LYRM7: variants seen among roughly 807,000 people sequenced by gnomAD.
LYRM7 encodes complex III assembly factor LYRM7.
A neutral mutation model predicts 15.8 loss-of-function variants in LYRM7; 9 were observed. The observed-to-expected ratio is 0.57, with a 90% CI of 0.34 to 0.99. The LOEUF is 0.99. Among genes scored for constraint, LYRM7 ranks in the 50% least tolerant of loss-of-function variants. LYRM7 has a pLI of 0.02. For missense variants in LYRM7, 115 were observed against 119.1 expected (o/e 0.97, Z 0.16); for synonymous variants, 39 against 39.4 (o/e 0.99, Z 0.04).
chr5:131,187,548 G>A (rs1212676831), intron 4 of LYRM7, among the ~76,000 whole-genome samples: 3 of 151,456 alleles, frequency 2.0e-5, no homozygotes, highest in East Asian at 1.9e-4. Context: ...GCAGTAGTGC[G>A]ATCTTGGCTC....
chr5:131,184,324 T>C (rs752784732), intron 3 of LYRM7, among the ~76,000 whole-genome samples: 2 of 152,120 alleles, frequency 1.3e-5, no homozygotes, highest in Non-Finnish European at 2.9e-5. Context: ...TTACACAGAT[T>C]TGTAGTTGGA....
chr5:131,171,341 A>T (rs1755519382), intron 1 of LYRM7, among the ~76,000 whole-genome samples: 4 of 152,124 alleles, frequency 2.6e-5, no homozygotes, highest in Admixed American at 2.6e-4. Flanking sequence ...CAGACCGAGT[A>T]TTTGTCTGAG....
intron 4 of LYRM7, among the ~76,000 whole-genome samples, chr5:131,187,363 A>G (rs1010094396): frequency 6.6e-6 from 1 of 152,098 alleles, no homozygotes; most frequent in East Asian, 1.9e-4. Context: ...CAGTACAACT[A>G]TATATTTTTA....
intron 1 of LYRM7, among the ~76,000 whole-genome samples, chr5:131,173,479 C>A (rs1483273815): frequency 1.3e-5 from 2 of 152,242 alleles, no homozygotes; most frequent in African/African-American, 4.8e-5. Flanking sequence ...GGAAAGGTGG[C>A]TCACGCCTGT....
At chr5:131,195,920 C>A (rs1755955525) in intron 4 of LYRM7, among the ~76,000 whole-genome samples, 1 of 152,086 alleles carries the variant, frequency 6.6e-6, no homozygotes, top group Admixed American at 6.5e-5. Context: ...AACAATGAGG[C>A]TCAGCAGGAC....
chr5:131,184,977 G>C (rs745726659), intron 3 of LYRM7, among the ~76,000 whole-genome samples: 19 of 151,978 alleles, frequency 1.3e-4, no homozygotes, highest in Non-Finnish European at 1.5e-4. Flanking sequence ...AGCAAATCCT[G>C]TTGACTTAAA....
intron 4 of LYRM7, among the ~76,000 whole-genome samples, chr5:131,198,106 A>G (rs1043623274): frequency 2.6e-5 from 4 of 152,000 alleles, no homozygotes; most frequent in African/African-American, 7.2e-5. Flanking sequence ...CATTTTTAGA[A>G]TTATGACAGC....
At chr5:131,178,638 G>A (rs78723619) in intron 1 of LYRM7, among the ~76,000 whole-genome samples, 7,268 of 151,978 alleles carry the variant, frequency 0.048, 429 homozygotes, top group African/African-American at 0.14. Context: ...ATATTCATAA[G>A]TCTCAACATT....
Position 131,201,976 on chromosome 5 carries a change from G to T in LYRM7, c.*2375G>T, listed in dbSNP as rs1756076903. On this transcript the variant is annotated 3_prime_UTR_variant, in exon 5 of 5. Transcript: ENST00000379380. ...AGCCTCCCAAATAGCTGAGACTAGAGGTATGCGCCACCACACCTAGCTATT... is the reference window on the plus strand; with the variant it reads ...AGCCTCCCAAATAGCTGAGACTAGATGTATGCGCCACCACACCTAGCTATT... 1 of 151,966 alleles carries T rather than the reference G, an allele frequency of 6.6e-6. No homozygotes were observed. Among genetic ancestry groups the T allele is most frequent in the Non-Finnish European group, 1.5e-5 (1 of 68,020 alleles). The allele number at this position is 151,966 out of a possible 1,614,324, so 9.4% of individuals were successfully genotyped here.
At chr5:131,195,522 C>T (rs969612906) in intron 4 of LYRM7, among the ~76,000 whole-genome samples, 1 of 152,036 alleles carries the variant, frequency 6.6e-6, no homozygotes, top group Non-Finnish European at 1.5e-5. Flanking sequence ...GAAATAAGAT[C>T]GATGCCTCAA....
chr5:131,182,426 A>G (rs978943301), intron 3 of LYRM7, 127 bp downstream of exon 3: 42 of 909,106 alleles, frequency 4.6e-5, no homozygotes, highest in Non-Finnish European at 5.5e-5. Context: ...ACAACTGTAG[A>G]TAACCTTCAC....
At chr5:131,184,783 G>T (rs17165932) in intron 3 of LYRM7, among the ~76,000 whole-genome samples, 10,235 of 151,890 alleles carry the variant, frequency 0.067, 935 homozygotes, top group African/African-American at 0.21. Context: ...TGGCTGAGGA[G>T]ACCCATTATT....
chr5:131,192,080 C>A (rs931225927), intron 4 of LYRM7, among the ~76,000 whole-genome samples: 4 of 139,282 alleles, frequency 2.9e-5, no homozygotes, highest in Admixed American at 7.2e-5. Flanking sequence ...CACACACACA[C>A]AATGCAATAT....
intron 1 of LYRM7, among the ~76,000 whole-genome samples, chr5:131,174,610 G>A (rs1755569912): frequency 6.6e-6 from 1 of 152,168 alleles, no homozygotes; most frequent in Non-Finnish European, 1.5e-5. Context: ...ACTATGGGAG[G>A]CTGAGGTGGG....
At position 131,202,428 on chromosome 5, in the gene LYRM7, AG is replaced by A. The variant is rs1756087561; in HGVS notation, c.*2829del. 1 of 152,268 alleles carries A rather than the reference AG, an allele frequency of 6.6e-6. No homozygotes were observed. The highest frequency in any genetic ancestry group is 1.5e-5 in the Non-Finnish European group (1 of 68,100). 9.4% of individuals were successfully genotyped at this position (152,268 alleles called of 1,614,324 possible). ...AGAATTACTTGAGCCAGGGAAGCAGAGGTTGTGGTGAGCTAAGATTGTGCCA... is the reference window on the plus strand; with the variant it reads ...AGAATTACTTGAGCCAGGGAAGCAGAGTTGTGGTGAGCTAAGATTGTGCCA... On this transcript the variant is annotated 3_prime_UTR_variant, in exon 5 of 5. Coordinates refer to ENST00000379380, the MANE Select transcript of LYRM7 (RefSeq NM_181705.4).
Position 131,199,659 on chromosome 5 carries a change from C to G in LYRM7, c.*58C>G. 1 of 1,243,712 alleles carries G rather than the reference C, an allele frequency of 8.0e-7. No homozygotes were observed. Among genetic ancestry groups the G allele is most frequent in the Non-Finnish European group, 1.1e-6 (1 of 879,956 alleles). The allele number at this position is 1,243,712 out of a possible 1,614,324, so 77.0% of individuals were successfully genotyped here. ...TTAACTTTAAAATCTACAACTCTGG[C>G]AAAAGTCCTGGAAATGCAGACATTT... is the stretch of plus-strand genomic sequence containing the variant. On this transcript the variant is annotated 3_prime_UTR_variant, in exon 5 of 5. Coordinates refer to ENST00000379380, the MANE Select transcript of LYRM7 (RefSeq NM_181705.4).
At chr5:131,189,444 CAAAAAAAAAAAAAA>C (rs71000976) in intron 4 of LYRM7, among the ~76,000 whole-genome samples, 4 of 46,178 alleles carry the variant, frequency 8.7e-5, no homozygotes, top group South Asian at 1.2e-3. Context: ...CTCCGTCTCC[CAAAAAAAAAAAAAA>C]AAAAAAAAAA....
At chr5:131,196,194 C>T (rs1755962200) in intron 4 of LYRM7, among the ~76,000 whole-genome samples, 1 of 149,380 alleles carries the variant, frequency 6.7e-6, no homozygotes, top group Non-Finnish European at 1.5e-5. Context: ...ACCTCAGCCT[C>T]CCGGGTTCAA....
chr5:131,174,368 C>T (rs1755566184), intron 1 of LYRM7, among the ~76,000 whole-genome samples: 2 of 152,182 alleles, frequency 1.3e-5, no homozygotes, highest in Admixed American at 6.5e-5. Context: ...TTGAACCCCT[C>T]GAAGTCATCC....
Sources: allele counts gnomAD v4.1 joint callset (sites outside exome capture counted in the v4.1 genomes callset), GRCh38; gene constraint gnomAD v4.1.1; transcripts MANE v1.5; gene names NCBI Gene and HGNC (gene_info 2026-07-23, HGNC 2026-07-21).